Variants in COBL observed in about 807,000 individuals in gnomAD.
COBL encodes the protein protein cordon-bleu.
A neutral mutation model predicts 98.8 loss-of-function variants in COBL; 51 were observed. The observed-to-expected ratio is 0.52, with a 90% CI of 0.41 to 0.65. The LOEUF (loss-of-function observed/expected upper bound fraction) is 0.65. Ranked by LOEUF, COBL falls within the 30% of genes least tolerant of loss-of-function variation. The pLI, the probability that COBL is intolerant of heterozygous loss-of-function variation, is 0.00. For missense variants in COBL, 1,617 were observed against 1,617.5 expected, an observed-to-expected ratio of 1.00 and a Z score of 0.01; for synonymous variants, 634 against 651.7, an observed-to-expected ratio of 0.97 and a Z score of 0.41.
intron 1 of COBL, among the ~76,000 whole-genome samples, chr7:51,291,123 C>A (rs1232894988): frequency 6.6e-6 from 1 of 152,176 alleles, no homozygotes; most frequent in African/African-American, 2.4e-5. Flanking sequence ...AGCCAGCAAG[C>A]CATCGCGAGG....
intron 6 of COBL, among the ~76,000 whole-genome samples, chr7:51,094,614 A>G (rs181239279): frequency 1.5e-3 from 223 of 152,292 alleles, no homozygotes; most frequent in African/African-American, 5.1e-3. Flanking sequence ...AAGAATTGGT[A>G]AAGGAAGTCT....
chr7:51,299,108 G>C (rs1298650578), intron 1 of COBL, among the ~76,000 whole-genome samples: 5 of 152,168 alleles, frequency 3.3e-5, no homozygotes, highest in African/African-American at 7.2e-5. Flanking sequence ...GGCCAGACAG[G>C]CTGCACAGCA....
At chr7:51,065,520 C>A in intron 7 of COBL, 1 of 639,474 alleles carries the variant, frequency 1.6e-6, no homozygotes. Context: ...GGTTCACATA[C>A]AGTGTTGGGC....
intron 5 of COBL, among the ~76,000 whole-genome samples, chr7:51,136,942 G>A (rs2129007377): frequency 6.6e-6 from 1 of 152,266 alleles, no homozygotes; most frequent in East Asian, 1.9e-4. Context: ...CACACTAATT[G>A]CTCTCAAGGG....
intron 6 of COBL, among the ~76,000 whole-genome samples, chr7:51,116,357 T>C (rs904458432): frequency 3.3e-5 from 5 of 152,180 alleles, no homozygotes; most frequent in African/African-American, 9.6e-5. Context: ...AATTATAATA[T>C]GTGTGCTCAA....
intron 7 of COBL, among the ~76,000 whole-genome samples, chr7:51,048,460 A>C (rs796362838): frequency 3.9e-5 from 6 of 152,276 alleles, no homozygotes; most frequent in African/African-American, 1.4e-4. Context: ...AATATAAACA[A>C]AGGAATCTGG....
chr7:51,028,574 A>C lies in COBL; in HGVS notation c.2522T>G (p.Met841Arg). ...EGRNQPPTMG[M>R]GHVRVPAAHT... Reference sequence around the variant, plus strand: ...AGCTGCTGGCACCCTCACGTGACCCATGCCCATGGTGGGGGGCTGGTTTCT... The same window carrying C: ...AGCTGCTGGCACCCTCACGTGACCCCTGCCCATGGTGGGGGGCTGGTTTCT... The change falls in exon 10 of 13, where the codon ATG (methionine) becomes AGG (arginine). Residue 841 changes from methionine to arginine, a missense_variant. Met to Arg is a moderately conservative substitution (Grantham distance 91). This residue lies in a region of COBL where 1,304 missense variants were observed against 1,282.0 expected (regional missense o/e 1.02). Coordinates refer to ENST00000265136, the MANE Select transcript of COBL (RefSeq NM_015198.5). The C allele has an allele frequency of 6.2e-7, 1 of 1,614,204 alleles. No individual in the cohort carries two copies. Among genetic ancestry groups the C allele is most frequent in the Non-Finnish European group, 8.5e-7 (1 of 1,180,046 alleles).
At chr7:51,187,289 T>C (rs1789616516) in intron 4 of COBL, among the ~76,000 whole-genome samples, 2 of 146,900 alleles carry the variant, frequency 1.4e-5, no homozygotes, top group Non-Finnish European at 3.0e-5. Context: ...CATATGTATA[T>C]ACATATATGT....
At chr7:51,201,239 C>CAAA in intron 2 of COBL, among the ~76,000 whole-genome samples, 1 of 57,856 alleles carries the variant, frequency 1.7e-5, no homozygotes, top group Non-Finnish European at 3.8e-5. Context: ...GACTCCGTCT[C>CAAA]AAAAAAAAAA....
At chr7:51,295,364 C>A (rs1801330777) in intron 1 of COBL, among the ~76,000 whole-genome samples, 1 of 150,788 alleles carries the variant, frequency 6.6e-6, no homozygotes, top group Admixed American at 6.6e-5. Flanking sequence ...ACATAAAAAA[C>A]CTGCACATTC....
chr7:51,191,779 C>G (rs2129057445), intron 3 of COBL, among the ~76,000 whole-genome samples: 1 of 152,228 alleles, frequency 6.6e-6, no homozygotes, highest in South Asian at 2.1e-4. Flanking sequence ...AGTCATTTTT[C>G]TCCCACTTTT....
intron 1 of COBL, among the ~76,000 whole-genome samples, chr7:51,287,972 A>C (rs1292793126): frequency 6.6e-6 from 1 of 152,232 alleles, no homozygotes; most frequent in Non-Finnish European, 1.5e-5. Flanking sequence ...AAAAGATTAT[A>C]GTGATGGAGA....
intron 1 of COBL, among the ~76,000 whole-genome samples, chr7:51,308,070 C>T (rs908062831): frequency 6.6e-6 from 1 of 152,272 alleles, no homozygotes; most frequent in East Asian, 1.9e-4. Context: ...GGTGGGCGGA[C>T]GGGAAAGCCT....
intron 6 of COBL, among the ~76,000 whole-genome samples, chr7:51,090,056 CT>C (rs942304384): frequency 1.3e-5 from 2 of 152,142 alleles, no homozygotes; most frequent in African/African-American, 2.4e-5. Flanking sequence ...TTCTTTTTCT[CT>C]CTTTATTTTT....
At chr7:51,131,493 G>A (rs997766627) in intron 6 of COBL, among the ~76,000 whole-genome samples, 6 of 151,830 alleles carry the variant, frequency 4.0e-5, no homozygotes, top group Non-Finnish European at 2.9e-5. Context: ...ATTATACAAA[G>A]AAAGATGCCA....
chr7:51,071,260 C>G (rs1792522403), intron 7 of COBL: 2 of 152,170 alleles, frequency 1.3e-5, no homozygotes, highest in African/African-American at 4.8e-5. Flanking sequence ...AAATGAGAAA[C>G]TTTCTGAAAT....
At chr7:51,111,540 C>T (rs1796820081) in intron 6 of COBL, among the ~76,000 whole-genome samples, 1 of 152,158 alleles carries the variant, frequency 6.6e-6, no homozygotes, top group African/African-American at 2.4e-5. Flanking sequence ...CTGATTCTCC[C>T]CGCCGGCCCC....
chr7:51,239,246 A>T (rs916789193), intron 1 of COBL, among the ~76,000 whole-genome samples: 3 of 152,162 alleles, frequency 2.0e-5, no homozygotes, highest in Non-Finnish European at 4.4e-5. Flanking sequence ...AGGTCTGCAC[A>T]AAATACAAGT....
chr7:51,232,974 A>T (rs955487153), intron 1 of COBL, among the ~76,000 whole-genome samples: 5 of 152,242 alleles, frequency 3.3e-5, no homozygotes, highest in Non-Finnish European at 7.3e-5. Context: ...TAAATCGTAG[A>T]TAACTATGCA....
Sources: gnomAD v4.1 joint callset for allele counts (sites outside exome capture counted in the v4.1 genomes callset) on GRCh38, gnomAD v4.1.1 for gene constraint, gnomAD v4.1.1 regional missense constraint, MANE v1.5 for transcripts, NCBI Gene and HGNC (gene_info 2026-07-23, HGNC 2026-07-21) for gene names.